Variants in VMP1 observed in about 807,000 individuals in gnomAD.
VMP1 encodes the protein ectopic P-granules autophagy protein 3 homolog.
Under a neutral mutation model 56.0 loss-of-function variants are expected in VMP1, and 11 were observed. That is an observed-to-expected ratio of 0.20 (90% CI 0.12 to 0.32). The LOEUF is 0.32. Ranked by LOEUF, VMP1 falls within the 10% of genes least tolerant of loss-of-function variation. The pLI is 1.00. For synonymous variants in VMP1, 149 were observed against 165.0 expected, an observed-to-expected ratio of 0.90 and a Z score of 0.74; for missense variants, 296 against 490.3, an observed-to-expected ratio of 0.60 and a Z score of 3.74.
At chr17:59,794,018 T>C (rs138806444) in intron 7 of VMP1, among the ~76,000 whole-genome samples, 5,804 of 151,410 alleles carry the variant, frequency 0.038, 394 homozygotes, top group African/African-American at 0.13. Flanking sequence ...CCTCCCAGGT[T>C]CATGCCATTC....
intron 9 of VMP1, among the ~76,000 whole-genome samples, chr17:59,812,777 A>G (rs761353314): frequency 3.3e-5 from 5 of 152,124 alleles, no homozygotes; most frequent in Non-Finnish European, 7.4e-5. Context: ...CTGAAAACGC[A>G]AAAATTAGCT....
chr17:59,793,995 A>G (rs891287755), intron 7 of VMP1, among the ~76,000 whole-genome samples: 1 of 150,832 alleles, frequency 6.6e-6, no homozygotes, highest in African/African-American at 2.4e-5. Context: ...ATCTCGGTTC[A>G]CTGCAAGCTC....
At chr17:59,743,584 A>C (rs150307157) in intron 5 of VMP1, among the ~76,000 whole-genome samples, 412 of 149,172 alleles carry the variant, frequency 2.8e-3, no homozygotes, top group East Asian at 7.2e-3. Context: ...CTCTCTCTAT[A>C]TATATATATG....
At chr17:59,796,702 G>A (rs1051125953) in intron 7 of VMP1, among the ~76,000 whole-genome samples, 4 of 152,004 alleles carry the variant, frequency 2.6e-5, no homozygotes, top group Non-Finnish European at 4.4e-5. Flanking sequence ...TTCATTCCTC[G>A]TTTTCTTGCT....
rs1308604578 is a variant in VMP1, at chr17:59,804,059, A to AAT, written c.715-4728_715-4727dup. Among the ~76,000 whole-genome samples, 19 of 152,076 alleles carry AAT rather than the reference A, an allele frequency of 1.2e-4. No homozygotes were observed. The South Asian group carries it at 3.7e-3, about 30-fold the overall frequency. Reference sequence around the variant, plus strand: ...AATTCTCATTATAAAGGCAAATGAGAATATATATATTTTAGTTCATAAACA... The same window carrying AAT: ...AATTCTCATTATAAAGGCAAATGAGAATATATATATATTTTAGTTCATAAACA... On this transcript the variant is annotated intron_variant, in intron 7 of 11. Transcript: ENST00000262291.
chr17:59,777,924 G>A (rs1168810971), intron 7 of VMP1, among the ~76,000 whole-genome samples: 1 of 152,180 alleles, frequency 6.6e-6, no homozygotes, highest in Non-Finnish European at 1.5e-5. Flanking sequence ...AAATGTTCTT[G>A]TATTTTTTAT....
At chr17:59,723,438 G>A (rs565088238) in intron 1 of VMP1, among the ~76,000 whole-genome samples, 1 of 152,200 alleles carries the variant, frequency 6.6e-6, no homozygotes, top group East Asian at 1.9e-4. Context: ...TCAAGAAATA[G>A]GGAGTGGATA....
chr17:59,719,141 T>C (rs2034292350), intron 1 of VMP1, among the ~76,000 whole-genome samples: 1 of 152,182 alleles, frequency 6.6e-6, no homozygotes, highest in Non-Finnish European at 1.5e-5. Context: ...CACAATTCCT[T>C]AATCTTAACA....
At chr17:59,808,751 C>A (rs571923484) in intron 7 of VMP1, 45 bp from the exon 8 acceptor site, 1 of 1,481,892 alleles carries the variant, frequency 6.7e-7, no homozygotes, top group South Asian at 1.2e-5. Flanking sequence ...ATCTTTCCTT[C>A]TTTTCCTACT....
At chr17:59,740,029 A>T (rs2035168420) in intron 5 of VMP1, among the ~76,000 whole-genome samples, 1 of 151,228 alleles carries the variant, frequency 6.6e-6, no homozygotes, top group African/African-American at 2.4e-5. Context: ...GTGAGCCGAG[A>T]TCACGCCACT....
At chr17:59,790,948 A>G (rs1053485316) in intron 7 of VMP1, among the ~76,000 whole-genome samples, 8 of 152,220 alleles carry the variant, frequency 5.3e-5, no homozygotes, top group African/African-American at 1.9e-4. Flanking sequence ...CACTTTTTAT[A>G]TCCAACAGCC....
At position 59,811,934 on chromosome 17, in the gene VMP1, T is replaced by C. The variant is rs1049763303; in HGVS notation, c.912+148T>C. On this transcript the variant is annotated intron_variant, in intron 9 of 11. Coordinates refer to ENST00000262291, the MANE Select transcript of VMP1 (RefSeq NM_030938.5). ...AGGTAATACCACATAGAATGTCATT[T>C]GGAATTAGTGATCTCCTTGTTTTCT... is the stretch of plus-strand genomic sequence containing the variant. The C allele has an allele frequency of 1.6e-5, 9 of 575,768 alleles. No individual in the cohort carries two copies. In the African/African-American group the frequency reaches 1.8e-4, roughly 11 times the overall value. 35.7% of individuals were successfully genotyped at this position (575,768 alleles called of 1,614,324 possible).
At chr17:59,838,220 C>A in intron 10 of VMP1, 75 bp from the exon 11 acceptor site, 1 of 1,224,384 alleles carries the variant, frequency 8.2e-7, no homozygotes, top group Non-Finnish European at 1.2e-6. Flanking sequence ...GTGGTAAGTA[C>A]ATTTTCTTTA....
Position 59,801,091 on chromosome 17 carries a change from A to AAAATAT in VMP1, c.715-7704_715-7703insAATATA, listed in dbSNP as rs1307645697. ...CAAGACTCCATCTCGAAAAAAAAAA[A>AAAATAT]ATATATATATATATATATATATGTG... On this transcript the variant is annotated intron_variant, in intron 7 of 11. Transcript: ENST00000262291. Among the ~76,000 whole-genome samples the AAAATAT allele has an allele frequency of 1.6e-3, 175 of 109,308 alleles. 4 individuals are homozygous for AAAATAT. Among genetic ancestry groups the AAAATAT allele is most frequent in the East Asian group, 2.3e-3 (9 of 3,998 alleles). 71.7% of individuals were successfully genotyped at this position (109,308 alleles called of 152,430 possible).
intron 10 of VMP1, among the ~76,000 whole-genome samples, chr17:59,823,717 C>T (rs1339426006): frequency 1.3e-5 from 2 of 151,904 alleles, no homozygotes; most frequent in Non-Finnish European, 2.9e-5. Flanking sequence ...CGCCACTGCA[C>T]TCCAACCTGG....
intron 1 of VMP1, among the ~76,000 whole-genome samples, chr17:59,719,773 A>G (rs2034322126): frequency 6.6e-6 from 1 of 152,182 alleles, no homozygotes; most frequent in African/African-American, 2.4e-5. Flanking sequence ...CACTGGATAT[A>G]CAGCCTACAA....
rs2039048979 is a variant in VMP1 at position 59,838,316 on chromosome 17, A to G, written c.996A>G (p.Pro332=). 1.2e-6 allele frequency: 2 copies of G among 1,614,034 alleles called. No homozygotes were observed. Among genetic ancestry groups the G allele is most frequent in the South Asian group, 1.1e-5 (1 of 91,092 alleles). ...CCAGTGCTGTCCCCGGCATAGGTCC[A>G]TCTCTGCAGAAGCCATTTCAGGAGT... ...AFIGAVPGIG[P]SLQKPFQEYL... Residue 332 remains proline, a synonymous_variant, in exon 11 of 12, where the codon CCA becomes CCG. Transcript: ENST00000262291.
intron 7 of VMP1, chr17:59,784,877 A>AT (rs1340720657): frequency 6.6e-6 from 1 of 152,128 alleles, no homozygotes; most frequent in Non-Finnish European, 1.5e-5. Context: ...ACTTTTTAAA[A>AT]TTTTTTTATT....
rs533776304 is a variant in VMP1 at position 59,750,527 on chromosome 17, C to A, written c.414+11580C>A. 2.4e-4 allele frequency among the ~76,000 whole-genome samples: 36 copies of A among 152,168 alleles called. 2 individuals are homozygous for A. The highest frequency in any genetic ancestry group is 8.4e-4 in the African/African-American group (35 of 41,486). ...ATGTTGGCCAGGCTGGCCTCGACCT[C>A]CTGACCTCAGGTGATCCACCCACCT... On this transcript the variant is annotated intron_variant, in intron 5 of 11. Transcript: ENST00000262291.
Sources: gnomAD v4.1 joint callset for allele counts (sites outside exome capture counted in the v4.1 genomes callset) on GRCh38, gnomAD v4.1.1 for gene constraint, MANE v1.5 for transcripts, NCBI Gene and HGNC (gene_info 2026-07-23, HGNC 2026-07-21) for gene names.